KIAA1671: variants seen among roughly 807,000 people sequenced by gnomAD.
The protein encoded by KIAA1671 is KIAA1671, also known as uncharacterized protein KIAA1671.
In KIAA1671, 52 loss-of-function variants were observed where a neutral mutation model predicts 131.2. The observed-to-expected ratio is 0.40, with a 90% CI of 0.32 to 0.50. The LOEUF (loss-of-function observed/expected upper bound fraction) is 0.50, where lower values mean the gene tolerates loss of function less well. KIAA1671 is among the 20% of genes least tolerant of loss of function. The pLI is 0.73. For synonymous variants in KIAA1671, 1,003 were observed against 961.6 expected (o/e 1.04, Z -0.80); for missense variants, 2,360 against 2,364.2 (o/e 1.00, Z 0.04).
chr22:25,069,452 C>A (rs1928687984), intron 6 of KIAA1671, among the ~76,000 whole-genome samples: 1 of 152,220 alleles, frequency 6.6e-6, no homozygotes, highest in East Asian at 1.9e-4. Flanking sequence ...GTGCAGCTGG[C>A]AGCTGGTGCC....
intron 1 of KIAA1671, among the ~76,000 whole-genome samples, chr22:25,001,351 T>G (rs1924472819): frequency 6.6e-6 from 1 of 152,196 alleles, no homozygotes; most frequent in Non-Finnish European, 1.5e-5. Context: ...TAATGGTGTC[T>G]TCTAATGAAC....
chr22:24,981,851 G>A (rs1038683527), intron 1 of KIAA1671, among the ~76,000 whole-genome samples: 4 of 152,146 alleles, frequency 2.6e-5, no homozygotes, highest in Non-Finnish European at 5.9e-5. Context: ...AAGCTGCAGC[G>A]AGCTGTGATT....
chr22:25,139,531 C>A (rs1297641222), intron 6 of KIAA1671, among the ~76,000 whole-genome samples: 1 of 152,226 alleles, frequency 6.6e-6, no homozygotes, highest in Non-Finnish European at 1.5e-5. Context: ...TTAATGACAC[C>A]ATCTATCTCC....
intron 1 of KIAA1671, among the ~76,000 whole-genome samples, chr22:24,990,802 C>G (rs1416716799): frequency 6.6e-6 from 1 of 152,116 alleles, no homozygotes; most frequent in African/African-American, 2.4e-5. Flanking sequence ...GTCTTCCCTC[C>G]TCATTTGTAG....
chr22:25,067,993 G>A (rs939568705), intron 6 of KIAA1671, among the ~76,000 whole-genome samples: 12 of 152,278 alleles, frequency 7.9e-5, no homozygotes, highest in African/African-American at 2.7e-4. Flanking sequence ...TCCCTCCAGC[G>A]GTGCCGCCAG....
intron 1 of KIAA1671, among the ~76,000 whole-genome samples, chr22:25,005,821 G>A (rs113157753): frequency 2.0e-5 from 3 of 152,290 alleles, no homozygotes; most frequent in African/African-American, 7.2e-5. Context: ...GAAGCTAGAA[G>A]ATCTAAGTTT....
At chr22:25,152,432 C>T (rs1185512741) in intron 6 of KIAA1671, among the ~76,000 whole-genome samples, 1 of 140,032 alleles carries the variant, frequency 7.1e-6, no homozygotes, top group Non-Finnish European at 1.6e-5. Context: ...CATGTGTACA[C>T]ACAAACACAA....
At chr22:25,149,197 G>C (rs554864653) in intron 6 of KIAA1671, among the ~76,000 whole-genome samples, 3 of 152,314 alleles carry the variant, frequency 2.0e-5, no homozygotes, top group African/African-American at 7.2e-5. Context: ...GAGAGGTGTG[G>C]TGACTTGCCC....
rs549066166 is a variant in KIAA1671, at chr22:25,129,581, A to G, written c.4531-41239A>G. On this transcript the variant is annotated intron_variant, in intron 6 of 12. Transcript: ENST00000358431. ...AATCACAGCTTTTCCCAGCTTTGCA[A>G]TCTACCAGCATGTGACTTAAGCAGC... 6.9e-4 allele frequency among the ~76,000 whole-genome samples: 103 copies of G among 150,294 alleles called. 1 individual carries two copies. The highest frequency in any genetic ancestry group is 1.8e-3 in the African/African-American group (72 of 41,102).
intron 6 of KIAA1671, among the ~76,000 whole-genome samples, chr22:25,134,412 C>T (rs1250255518): frequency 6.6e-6 from 1 of 152,038 alleles, no homozygotes; most frequent in Admixed American, 6.6e-5. Flanking sequence ...TCTGATTCTC[C>T]CAACACTTTT....
At chr22:25,183,660 C>T (rs1276350205) in intron 10 of KIAA1671, among the ~76,000 whole-genome samples, 1 of 151,850 alleles carries the variant, frequency 6.6e-6, no homozygotes, top group Non-Finnish European at 1.5e-5. Context: ...GTAGCTGGGA[C>T]TACAGGCGCC....
chr22:25,029,274 C>T lies in KIAA1671; in HGVS notation c.1275C>T (p.Ala425=), dbSNP rs1926133574. Residue 425 remains alanine (A), a synonymous_variant, in exon 3 of 13, where the codon GCC becomes GCT. Coordinates refer to ENST00000358431, the MANE Select transcript of KIAA1671 (RefSeq NM_001145206.2). ...AGAGCAGAGTGGCGGATGGGGAGGC[C>T]GCGGCAGGGGGAGAGTGGGCCTCCA... ...EVKSRVADGE[A]AAGGEWASRR... The T allele has an allele frequency of 1.5e-5, 23 of 1,504,512 alleles. No individual in the cohort carries two copies. In the South Asian group the frequency reaches 1.9e-4, roughly 12 times the overall value. 93.2% of individuals were successfully genotyped at this position (1,504,512 alleles called of 1,614,324 possible). A position where few individuals can be genotyped will look rare whatever the true frequency, so the allele number is the denominator to read the frequency against.
At chr22:25,167,874 A>G (rs2071366885) in intron 6 of KIAA1671, among the ~76,000 whole-genome samples, 1 of 152,196 alleles carries the variant, frequency 6.6e-6, no homozygotes, top group African/African-American at 2.4e-5. Flanking sequence ...GTGACCATTT[A>G]TGGGATGTTT....
At chr22:25,175,503 T>A (rs1343030314) in intron 8 of KIAA1671, 1 of 152,216 alleles carries the variant, frequency 6.6e-6, no homozygotes, top group Non-Finnish European at 1.5e-5. Flanking sequence ...TGAGTCTTGA[T>A]TGGGGAACCC....
intron 6 of KIAA1671, among the ~76,000 whole-genome samples, chr22:25,068,715 C>T (rs780610158): frequency 2.0e-5 from 3 of 152,176 alleles, no homozygotes; most frequent in South Asian, 4.1e-4. Context: ...GGATTACAGG[C>T]GTGAGCCACC....
chr22:25,145,933 C>T (rs1340161195), intron 6 of KIAA1671, among the ~76,000 whole-genome samples: 1 of 135,922 alleles, frequency 7.4e-6, no homozygotes, highest in African/African-American at 3.2e-5. Context: ...GAACACAGCC[C>T]TATCTCTAAA....
chr22:25,183,961 T>A (rs2146040123), intron 10 of KIAA1671, among the ~76,000 whole-genome samples: 1 of 152,278 alleles, frequency 6.6e-6, no homozygotes, highest in East Asian at 1.9e-4. Flanking sequence ...ATGGAGGCCC[T>A]GGGGCTCCCA....
intron 6 of KIAA1671, among the ~76,000 whole-genome samples, chr22:25,131,174 A>G (rs1932423899): frequency 2.0e-5 from 3 of 152,134 alleles, no homozygotes; most frequent in Admixed American, 2.0e-4. Context: ...GGTGATTTCC[A>G]TGCAGTGATG....
At chr22:25,056,852 G>A (rs1332385498) in intron 6 of KIAA1671, 1 of 149,444 alleles carries the variant, frequency 6.7e-6, no homozygotes, top group East Asian at 2.0e-4. Context: ...AGTGAGATGA[G>A]CTCCTATGCA....
Sources: allele counts gnomAD v4.1 joint callset (sites outside exome capture counted in the v4.1 genomes callset), GRCh38; gene constraint gnomAD v4.1.1; transcripts MANE v1.5; gene names NCBI Gene and HGNC (gene_info 2026-07-23, HGNC 2026-07-21).